Variants in NYAP2 observed in about 807,000 individuals in gnomAD.
The protein encoded by NYAP2 is neuronal tyrosine-phosphorylated phosphoinositide-3-kinase adaptor 2.
A neutral mutation model predicts 50.4 loss-of-function variants in NYAP2; 23 were observed. That is an observed-to-expected ratio of 0.46 (90% CI 0.33 to 0.65). The LOEUF is 0.65. NYAP2 is among the 30% of genes least tolerant of loss of function. The probability of loss-of-function intolerance (pLI) is 0.02; values close to 1 mark genes in which losing one functional copy is unlikely to be tolerated. For missense variants in NYAP2, 885 were observed against 861.0 expected (o/e 1.03, Z -0.35); for synonymous variants, 394 against 365.2 (o/e 1.08, Z -0.90).
At chr2:225,692,866 A>T in the NYAP2 span, among the ~76,000 whole-genome samples, 16 of 147,912 alleles carry the variant, frequency 1.1e-4, no homozygotes, top group Admixed American at 8.6e-4. Flanking sequence ...CTTATCTTTA[A>T]ACATACACAC....
At chr2:225,436,124 A>G (rs567098537) in intron 3 of NYAP2, among the ~76,000 whole-genome samples, 2 of 152,314 alleles carry the variant, frequency 1.3e-5, no homozygotes, top group South Asian at 2.1e-4. Context: ...AATTTAACAT[A>G]TGGAAACCAG....
At chr2:225,700,909 G>C in the NYAP2 span, 5 of 151,800 alleles carry the variant, frequency 3.3e-5, no homozygotes, top group Non-Finnish European at 5.9e-5. Flanking sequence ...ATTCCTGTTT[G>C]TTCTATCAAA....
the NYAP2 span, among the ~76,000 whole-genome samples, chr2:225,667,068 T>C: frequency 5.9e-5 from 9 of 152,082 alleles, no homozygotes; most frequent in Non-Finnish European, 1.3e-4. Context: ...CCAGACCCGT[T>C]AGATAGGAAT....
chr2:225,447,097 G>T (rs1009293748), intron 3 of NYAP2, among the ~76,000 whole-genome samples: 1 of 152,114 alleles, frequency 6.6e-6, no homozygotes, highest in Non-Finnish European at 1.5e-5. Context: ...TTCCTCACCA[G>T]ACTGCTTACC....
downstream of NYAP2, among the ~76,000 whole-genome samples, chr2:225,655,878 C>A (rs1349088313): frequency 2.0e-5 from 2 of 98,436 alleles, no homozygotes; most frequent in East Asian, 3.0e-4. Context: ...AGAGCCACAA[C>A]CTCCACTACA....
rs2106138533 is a variant in NYAP2 at position 225,437,898 on chromosome 2, G to C, written c.221+28797G>C. Among the ~76,000 whole-genome samples the C allele has an allele frequency of 2.0e-5, 3 of 152,176 alleles. 1 individual carries two copies. The South Asian group carries it at 6.2e-4, about 32-fold the overall frequency. On this transcript the variant is annotated intron_variant, in intron 3 of 6. Coordinates refer to ENST00000636099, the Ensembl canonical transcript of NYAP2. ...TTTCTATATGCAATTTATGAATGGG[G>C]ACATCAATTCAAATAGCCACAGACC...
the NYAP2 span, among the ~76,000 whole-genome samples, chr2:225,687,132 T>C: frequency 3.3e-5 from 5 of 152,326 alleles, no homozygotes; most frequent in African/African-American, 9.6e-5. Flanking sequence ...ATTGCAATTC[T>C]AATTCTGTCT....
At chr2:225,456,638 C>A (rs1395137886) in intron 3 of NYAP2, among the ~76,000 whole-genome samples, 1 of 152,096 alleles carries the variant, frequency 6.6e-6, no homozygotes, top group Non-Finnish European at 1.5e-5. Flanking sequence ...TCAGTTACAA[C>A]CACGTGTGCT....
chr2:225,456,334 T>C (rs1353809565), intron 3 of NYAP2, among the ~76,000 whole-genome samples: 2 of 152,208 alleles, frequency 1.3e-5, no homozygotes, highest in African/African-American at 4.8e-5. Flanking sequence ...GATACTTGCC[T>C]TACTGACTTG....
chr2:225,535,623 G>C (rs1691335149), intron 4 of NYAP2, among the ~76,000 whole-genome samples: 2 of 152,148 alleles, frequency 1.3e-5, no homozygotes, highest in Non-Finnish European at 1.5e-5. Flanking sequence ...CATTGTGGTG[G>C]TCTGAGTGGA....
the NYAP2 span, among the ~76,000 whole-genome samples, chr2:225,686,222 T>A: frequency 1.5e-4 from 23 of 152,176 alleles, no homozygotes; most frequent in Admixed American, 1.5e-3. Flanking sequence ...AGATACAAAG[T>A]TAACATTCTA....
chr2:225,635,136 C>G lies in NYAP2; in HGVS notation c.1828+8010C>G, dbSNP rs183392977. Among the ~76,000 whole-genome samples the G allele has an allele frequency of 4.2e-3, 646 of 152,292 alleles. 2 individuals are homozygous for G. The highest frequency in any genetic ancestry group is 7.0e-3 in the Non-Finnish European group (474 of 68,034). Reference sequence around the variant, plus strand: ...TTCAGCCTCCATATCCAAGAAGACTCCCATGCACACAAGTTTGGAGAGGTG... The same window carrying G: ...TTCAGCCTCCATATCCAAGAAGACTGCCATGCACACAAGTTTGGAGAGGTG... On this transcript the variant is annotated intron_variant, in intron 6 of 6. Transcript: ENST00000636099.
At chr2:225,550,012 A>T (rs1032059742) in intron 4 of NYAP2, among the ~76,000 whole-genome samples, 1 of 151,928 alleles carries the variant, frequency 6.6e-6, no homozygotes, top group South Asian at 2.1e-4. Flanking sequence ...AATAAATAAA[A>T]AATAGAGAGA....
At chr2:225,410,453 A>C (rs528986153) in intron 3 of NYAP2, among the ~76,000 whole-genome samples, 1 of 151,464 alleles carries the variant, frequency 6.6e-6, no homozygotes. Context: ...AGTATTTTTG[A>C]TGGACATTTT....
chr2:225,641,646 C>A (rs1181986558), intron 6 of NYAP2, among the ~76,000 whole-genome samples: 1 of 152,036 alleles, frequency 6.6e-6, no homozygotes, highest in Non-Finnish European at 1.5e-5. Flanking sequence ...AACCCCATCT[C>A]TACTAAAAAT....
intron 4 of NYAP2, 143 bp downstream of exon 4, chr2:225,513,815 G>A: frequency 3.6e-6 from 2 of 548,912 alleles, no homozygotes; most frequent in Non-Finnish European, 2.9e-6. Flanking sequence ...AGAATTGAGG[G>A]GAAGGTTATT....
the NYAP2 span, among the ~76,000 whole-genome samples, chr2:225,678,160 C>T: frequency 6.6e-6 from 1 of 152,000 alleles, no homozygotes; most frequent in East Asian, 1.9e-4. Flanking sequence ...TGTGTGTTTT[C>T]AGGAATTTAT....
At chr2:225,509,894 A>G (rs1690780701) in intron 3 of NYAP2, among the ~76,000 whole-genome samples, 1 of 152,220 alleles carries the variant, frequency 6.6e-6, no homozygotes, top group Admixed American at 6.5e-5. Flanking sequence ...ATATATTGCC[A>G]TATGACTTGC....
the NYAP2 span, among the ~76,000 whole-genome samples, chr2:225,664,066 C>A: frequency 6.6e-6 from 1 of 152,098 alleles, no homozygotes; most frequent in African/African-American, 2.4e-5. Context: ...ACTGTCATAA[C>A]CATGAAAGGC....
Sources: gnomAD v4.1 joint callset for allele counts (sites outside exome capture counted in the v4.1 genomes callset) on GRCh38, gnomAD v4.1.1 for gene constraint, MANE v1.5 for transcripts, NCBI Gene and HGNC (gene_info 2026-07-23, HGNC 2026-07-21) for gene names.